The following TRIM33 variants were observed in gnomAD, a reference collection of about 807,000 sequenced individuals.
TRIM33 encodes the protein E3 ubiquitin-protein ligase TRIM33.
Under a neutral mutation model 125.4 loss-of-function variants are expected in TRIM33, and 20 were observed. The observed-to-expected ratio is 0.16, with a 90% CI of 0.11 to 0.23. The LOEUF (loss-of-function observed/expected upper bound fraction) is 0.23, where lower values mean the gene tolerates loss of function less well. Ranked by LOEUF, TRIM33 falls within the 10% of genes least tolerant of loss-of-function variation. The pLI is 1.00. For synonymous variants in TRIM33, 564 were observed against 513.9 expected (o/e 1.10, Z -1.32); for missense variants, 920 against 1,411.4 (o/e 0.65, Z 5.58).
At position 114,465,608 on chromosome 1, in the gene TRIM33, C is replaced by G. The variant is rs1572088059; in HGVS notation, c.527-1220G>C. On this transcript the variant is annotated intron_variant, in intron 1 of 19. Coordinates refer to ENST00000358465, the MANE Select transcript of TRIM33 (RefSeq NM_015906.4). ...TTGAGCCCAGGAGTTTGAGGCCAGC[C>G]TGGACAACATAGTGAGACGCCATCT... Among the ~76,000 whole-genome samples the G allele has an allele frequency of 2.0e-5, 3 of 151,906 alleles. No individual in the cohort carries two copies. In the East Asian group the frequency reaches 5.8e-4, roughly 29 times the overall value.
At chr1:114,413,218 T>C (rs1652698469) in intron 11 of TRIM33, among the ~76,000 whole-genome samples, 1 of 152,066 alleles carries the variant, frequency 6.6e-6, no homozygotes, top group Non-Finnish European at 1.5e-5. Context: ...TGAAATGGAA[T>C]ACCATATGGA....
chr1:114,463,930 G>A (rs371781151), intron 2 of TRIM33, among the ~76,000 whole-genome samples: 5 of 151,754 alleles, frequency 3.3e-5, no homozygotes, highest in African/African-American at 9.7e-5. Flanking sequence ...CACCACGCCC[G>A]GCTAGTACTT....
At chr1:114,434,867 G>A (rs1209709958) in intron 4 of TRIM33, among the ~76,000 whole-genome samples, 1 of 152,176 alleles carries the variant, frequency 6.6e-6, no homozygotes. Flanking sequence ...TCTTATGCTA[G>A]GTACAGAGGC....
intron 4 of TRIM33, among the ~76,000 whole-genome samples, chr1:114,434,489 CTT>C (rs952812290): frequency 2.0e-5 from 3 of 152,172 alleles, no homozygotes; most frequent in African/African-American, 7.2e-5. Context: ...ACCAGTTTTA[CTT>C]TGTCAGCATG....
In TRIM33 at chr1:114,427,247, G is replaced by T. The variant is rs374171249; in HGVS notation, c.1350C>A (p.Val450=). The change falls in exon 8 of 20, where the codon GTC becomes GTA. Residue 450 remains valine (V), a synonymous_variant. Coordinates refer to ENST00000358465, the MANE Select transcript of TRIM33 (RefSeq NM_015906.4). ...RHILKARCDP[V]PAANGAIRFH... ...AACGTATTGCTCCATTAGCAGCAGG[G>T]ACAGGATCACACCGTGCTTTCAAAA... The T allele has an allele frequency of 1.3e-5, 21 of 1,607,056 alleles. No individual in the cohort carries two copies. Among genetic ancestry groups the T allele is most frequent in the Non-Finnish European group, 1.8e-5 (21 of 1,175,654 alleles).
chr1:114,498,934 A>G (rs1011740809), intron 1 of TRIM33, among the ~76,000 whole-genome samples: 3 of 152,192 alleles, frequency 2.0e-5, no homozygotes, highest in African/African-American at 7.2e-5. Flanking sequence ...AAATAGAAGC[A>G]TATCACTATA....
chr1:114,442,687 CAAAAA>C (rs34847018), intron 4 of TRIM33, among the ~76,000 whole-genome samples: 1 of 73,868 alleles, frequency 1.4e-5, no homozygotes. Flanking sequence ...GACTCTGTCT[CAAAAA>C]AAAAAAAAAA....
chr1:114,409,477 A>T (rs1001781032), intron 12 of TRIM33, among the ~76,000 whole-genome samples: 5 of 152,188 alleles, frequency 3.3e-5, no homozygotes, highest in Non-Finnish European at 7.3e-5. Context: ...TCATTATTTT[A>T]CTAAGTGTTT....
chr1:114,508,066 G>A (rs930913131), intron 1 of TRIM33, among the ~76,000 whole-genome samples: 10 of 152,110 alleles, frequency 6.6e-5, no homozygotes, highest in East Asian at 3.8e-4. Flanking sequence ...GCAGTAAGCC[G>A]AGATCGAGCC....
chr1:114,467,730 C>A (rs1650389330), intron 1 of TRIM33, among the ~76,000 whole-genome samples: 1 of 152,134 alleles, frequency 6.6e-6, no homozygotes. Context: ...TAACTTGTTA[C>A]CACTGTACCA....
At chr1:114,457,873 G>A (rs923596923) in intron 4 of TRIM33, among the ~76,000 whole-genome samples, 3 of 152,298 alleles carry the variant, frequency 2.0e-5, no homozygotes, top group Admixed American at 2.0e-4. Context: ...CTCTGCAGTT[G>A]GTGTCAGAAG....
At chr1:114,433,535 A>G (rs1054917564) in intron 5 of TRIM33, 82 bp downstream of exon 5, 1 of 805,092 alleles carries the variant, frequency 1.2e-6, no homozygotes, top group African/African-American at 1.7e-5. Context: ...TATATGCTTA[A>G]TATAGCAGAA....
intron 1 of TRIM33, among the ~76,000 whole-genome samples, chr1:114,504,248 T>G (rs2101578645): frequency 6.6e-6 from 1 of 152,266 alleles, no homozygotes. Flanking sequence ...CACTGCAGCC[T>G]CGACACTCCG....
Position 114,409,707 on chromosome 1 carries a change from TA to T in TRIM33, c.2194+476del, listed in dbSNP as rs1275022763. On this transcript the variant is annotated intron_variant, in intron 12 of 19. Transcript: ENST00000358465. ...AAGAACAATCAAGAAAAAAATATGT[TA>T]TTGTGTCAACTTGGCTAGGATATGA... Among the ~76,000 whole-genome samples, 3 of 152,310 alleles carry T rather than the reference TA, an allele frequency of 2.0e-5. No individual in the cohort carries two copies. In the East Asian group the frequency reaches 5.8e-4, roughly 29 times the overall value.
chr1:114,500,993 A>T, intron 1 of TRIM33, among the ~76,000 whole-genome samples: 1 of 125,686 alleles, frequency 8.0e-6, no homozygotes, highest in Non-Finnish European at 1.7e-5. Flanking sequence ...GATCGAGACC[A>T]TCCCGGCTAA....
At chr1:114,425,104 C>T (rs533004134) in intron 9 of TRIM33, among the ~76,000 whole-genome samples, 2 of 152,238 alleles carry the variant, frequency 1.3e-5, no homozygotes, top group East Asian at 3.9e-4. Flanking sequence ...AAGATCTGAA[C>T]AAATGCCTAA....
chr1:114,486,546 CAAAA>C (rs372795084), intron 1 of TRIM33, among the ~76,000 whole-genome samples: 1 of 65,270 alleles, frequency 1.5e-5, no homozygotes, highest in Non-Finnish European at 3.1e-5. Context: ...GACCCTATCT[CAAAA>C]AAAAAAAAAA....
At chr1:114,458,390 A>G (rs1031181023) in intron 4 of TRIM33, among the ~76,000 whole-genome samples, 2 of 152,012 alleles carry the variant, frequency 1.3e-5, no homozygotes, top group African/African-American at 4.8e-5. Context: ...TATTTTTCAG[A>G]CTCTGCATTC....
rs1418279828 is a variant in TRIM33 at position 114,511,032 on chromosome 1, CCCG to C, written c.42_44del (p.Gly16del). 1 of 1,319,116 alleles carries C rather than the reference CCCG, an allele frequency of 7.6e-7. No individual in the cohort carries two copies. The highest frequency in any genetic ancestry group is 9.7e-7 in the Non-Finnish European group (1 of 1,032,986). 81.7% of individuals were successfully genotyped at this position (1,319,116 alleles called of 1,614,324 possible). On this transcript the variant is annotated inframe_deletion, in exon 1 of 20. Coordinates refer to ENST00000358465, the MANE Select transcript of TRIM33 (RefSeq NM_015906.4). ...CAGTTACCGGCGCGCTGCCGCTGCC[CCCG>C]CCGCCGCTCTCAGCCTCGCCGCCGC...
Sources: gnomAD v4.1 joint callset for allele counts (sites outside exome capture counted in the v4.1 genomes callset) on GRCh38, gnomAD v4.1.1 for gene constraint, MANE v1.5 for transcripts, NCBI Gene and HGNC (gene_info 2026-07-23, HGNC 2026-07-21) for gene names.